The following BNC2 variants were observed in gnomAD, a reference collection of about 807,000 sequenced individuals.
BNC2 encodes zinc finger protein basonuclin-2.
Under a neutral mutation model 76.3 loss-of-function variants are expected in BNC2, and 20 were observed. The observed-to-expected ratio is 0.26, with a 90% CI of 0.18 to 0.38. BNC2 has a LOEUF of 0.38. BNC2 is among the 10% of genes least tolerant of loss of function. The pLI is 1.00. For synonymous variants in BNC2, 582 were observed against 514.8 expected, an observed-to-expected ratio of 1.13 and a Z score of -1.77; for missense variants, 1,382 against 1,399.8, an observed-to-expected ratio of 0.99 and a Z score of 0.20.
At chr9:16,521,485 A>C (rs1443990196) in intron 5 of BNC2, among the ~76,000 whole-genome samples, 1 of 152,224 alleles carries the variant, frequency 6.6e-6, no homozygotes, top group Non-Finnish European at 1.5e-5. Flanking sequence ...TAAATAGGTA[A>C]AACGTGAATG....
intron 5 of BNC2, among the ~76,000 whole-genome samples, chr9:16,537,018 T>C (rs1483598959): frequency 6.6e-6 from 1 of 152,150 alleles, no homozygotes; most frequent in Non-Finnish European, 1.5e-5. Flanking sequence ...ACTACTATCC[T>C]GCTCATAAAC....
chr9:16,453,405 C>T (rs1229699666), intron 5 of BNC2, among the ~76,000 whole-genome samples: 2 of 152,164 alleles, frequency 1.3e-5, no homozygotes, highest in Admixed American at 1.3e-4. Context: ...AATGTCCTCT[C>T]CTACTTTATT....
intron 3 of BNC2, among the ~76,000 whole-genome samples, chr9:16,675,054 C>T (rs1469904828): frequency 1.3e-5 from 2 of 152,182 alleles, no homozygotes; most frequent in Non-Finnish European, 1.5e-5. Flanking sequence ...TAGCATCAAG[C>T]TAGCACATTT....
intron 4 of BNC2, among the ~76,000 whole-genome samples, chr9:16,558,103 C>A (rs1412795349): frequency 6.6e-6 from 1 of 152,192 alleles, no homozygotes; most frequent in East Asian, 1.9e-4. Flanking sequence ...CTGCCTCGGC[C>A]TCCCAAAGTG....
At chr9:16,732,157 CAA>C (rs143619331) in intron 2 of BNC2, among the ~76,000 whole-genome samples, 3 of 43,914 alleles carry the variant, frequency 6.8e-5, no homozygotes, top group African/African-American at 9.3e-5. Flanking sequence ...CCATTTCCTG[CAA>C]AAAAAAAAGA....
Position 16,413,579 on chromosome 9 carries a change from G to A in BNC2, c.*5410C>T, listed in dbSNP as rs938990886. On this transcript the variant is annotated 3_prime_UTR_variant, in exon 7 of 7. Coordinates refer to ENST00000380672, the MANE Select transcript of BNC2 (RefSeq NM_017637.6). ...ATGATGAAACTACACAAGGAAGGAC[G>A]GGTATGTGGGCAACAGTGATGACAG... 9 of 152,134 alleles carry A rather than the reference G, an allele frequency of 5.9e-5. No individual in the cohort carries two copies. The highest frequency in any genetic ancestry group is 1.4e-4 in the African/African-American group (6 of 41,432). The allele number at this position is 152,134 out of a possible 1,614,324, so 9.4% of individuals were successfully genotyped here.
chr9:16,780,859 T>C (rs1826133654), intron 1 of BNC2, among the ~76,000 whole-genome samples: 1 of 152,142 alleles, frequency 6.6e-6, no homozygotes, highest in Non-Finnish European at 1.5e-5. Context: ...AAATGTTTAC[T>C]TTACCTAAGA....
rs1821402671 is a variant in BNC2, at chr9:16,638,795, T to G, written c.331-55710A>C. ...AATGTTTCCTTCTCTCCATTTATTT[T>G]AAATGAGTAAAATTGAGTCTCTTTC... On this transcript the variant is annotated intron_variant, in intron 3 of 6. Transcript: ENST00000380672. Among the ~76,000 whole-genome samples the G allele has an allele frequency of 2.6e-5, 4 of 152,336 alleles. No homozygotes were observed. In the South Asian group the frequency reaches 6.2e-4, roughly 24 times the overall value.
intron 2 of BNC2, among the ~76,000 whole-genome samples, chr9:16,734,871 C>T (rs1824619621): frequency 6.6e-6 from 1 of 152,182 alleles, no homozygotes; most frequent in Admixed American, 6.5e-5. Context: ...TCACTTTAAA[C>T]AGTGGCACAA....
intron 3 of BNC2, among the ~76,000 whole-genome samples, chr9:16,601,604 A>G: frequency 6.6e-6 from 1 of 152,134 alleles, no homozygotes; most frequent in East Asian, 1.9e-4. Flanking sequence ...AGATCCTACT[A>G]CACACTCCTG....
At chr9:16,452,311 A>AC (rs1385779541) in intron 5 of BNC2, among the ~76,000 whole-genome samples, 1 of 152,304 alleles carries the variant, frequency 6.6e-6, no homozygotes, top group African/African-American at 2.4e-5. Context: ...AAATCAGCAA[A>AC]CTGCAACACT....
chr9:16,822,561 C>T (rs1183515112), intron 1 of BNC2, among the ~76,000 whole-genome samples: 2 of 152,138 alleles, frequency 1.3e-5, no homozygotes, highest in Non-Finnish European at 2.9e-5. Flanking sequence ...GATGGCAATC[C>T]ATTAACAACT....
intron 5 of BNC2, among the ~76,000 whole-genome samples, chr9:16,488,799 G>T (rs557320275): frequency 2.0e-5 from 3 of 152,036 alleles, no homozygotes; most frequent in African/African-American, 7.2e-5. Context: ...GTCTTAAAAG[G>T]TGATGGCCTG....
At chr9:16,809,434 G>A (rs79232593) in intron 1 of BNC2, among the ~76,000 whole-genome samples, 1 of 152,084 alleles carries the variant, frequency 6.6e-6, no homozygotes, top group Non-Finnish European at 1.5e-5. Flanking sequence ...GGGATGAGGA[G>A]CAAGAACTCT....
intron 1 of BNC2, among the ~76,000 whole-genome samples, chr9:16,863,124 A>C (rs1388299348): frequency 6.6e-6 from 1 of 151,926 alleles, no homozygotes; most frequent in African/African-American, 2.4e-5. Context: ...CATATTGGCC[A>C]GGCTGGTCTT....
intron 3 of BNC2, among the ~76,000 whole-genome samples, chr9:16,662,461 C>G (rs191757056): frequency 1.3e-5 from 2 of 152,264 alleles, no homozygotes; most frequent in African/African-American, 4.8e-5. Flanking sequence ...CCGGGCTGAG[C>G]GTAGTGGCTC....
intron 1 of BNC2, chr9:16,832,181 T>C: frequency 5.1e-6 from 4 of 791,294 alleles, no homozygotes; most frequent in South Asian, 3.4e-5. Context: ...TCATGCGCCC[T>C]TATTAAAACT....
chr9:16,649,062 T>C (rs1821720756), intron 3 of BNC2, among the ~76,000 whole-genome samples: 1 of 152,214 alleles, frequency 6.6e-6, no homozygotes, highest in African/African-American at 2.4e-5. Flanking sequence ...AGTGTGTGAA[T>C]GCATATATCA....
At chr9:16,507,346 G>A (rs1342921177) in intron 5 of BNC2, among the ~76,000 whole-genome samples, 3 of 137,470 alleles carry the variant, frequency 2.2e-5, no homozygotes, top group Non-Finnish European at 4.6e-5. Flanking sequence ...CTCAGCCTAC[G>A]CCTCCTGGGT....
Sources: gnomAD v4.1 joint callset for allele counts (sites outside exome capture counted in the v4.1 genomes callset) on GRCh38, gnomAD v4.1.1 for gene constraint, MANE v1.5 for transcripts, NCBI Gene and HGNC (gene_info 2026-07-23, HGNC 2026-07-21) for gene names.